DMD: variants seen among roughly 807,000 people sequenced by gnomAD.
DMD encodes mutant dystrophin.
A neutral mutation model predicts 330.1 loss-of-function variants in DMD; 63 were observed. That is an observed-to-expected ratio of 0.19 (90% confidence interval 0.16 to 0.24). The LOEUF (loss-of-function observed/expected upper bound fraction) is 0.24. DMD is among the 10% of genes least tolerant of loss of function. DMD has a pLI of 1.00. For missense variants in DMD, 3,344 were observed against 2,684.1 expected, an observed-to-expected ratio of 1.25 and a Z score of -5.43; for synonymous variants, 1,223 against 959.8, an observed-to-expected ratio of 1.27 and a Z score of -5.07.
chrX:32,419,823 A>C (rs1484294607), intron 29 of DMD, among the ~76,000 whole-genome samples: 1 of 112,015 alleles, frequency 8.9e-6, no homozygotes, highest in African/African-American at 3.3e-5. Context: ...AACGTTTGGG[A>C]ATCATTTTAT....
intron 55 of DMD, among the ~76,000 whole-genome samples, chrX:31,516,029 A>C (rs1478924616): frequency 1.8e-5 from 2 of 111,512 alleles, no homozygotes; most frequent in Non-Finnish European, 3.8e-5. Flanking sequence ...CATGAGCTCT[A>C]AATAGTAGAG....
chrX:31,295,134 T>C (rs957840432), intron 62 of DMD, among the ~76,000 whole-genome samples: 3 of 110,303 alleles, frequency 2.7e-5, no homozygotes, highest in East Asian at 5.8e-4. Flanking sequence ...TATCTGGGAC[T>C]ACAGGCGTCC....
At position 32,472,816 on chromosome X, in the gene DMD, C is replaced by A. The variant is rs188957353; in HGVS notation, c.2804-507G>T. ...CTGAAAGAACACCCATGTACGCATG[C>A]TTAGTATATGTATCAAGAACTCTAG... On this transcript the variant is annotated intron_variant, in intron 21 of 78. Transcript: ENST00000357033. Among the ~76,000 whole-genome samples, 5 of 111,201 alleles carry A rather than the reference C, an allele frequency of 4.5e-5. No homozygotes were observed. In the East Asian group the frequency reaches 1.1e-3, roughly 25 times the overall value.
intron 1 of DMD, among the ~76,000 whole-genome samples, chrX:33,129,325 C>CTTTTTTT (rs58505662): frequency 0.11 from 3,317 of 30,723 alleles, 1,164 homozygotes; most frequent in Non-Finnish European, 0.14. Context: ...TTAAGGTTTG[C>CTTTTTTT]TTTTTTTTTT....
At chrX:33,101,562 C>T (rs1234162460) in intron 1 of DMD, among the ~76,000 whole-genome samples, 1 of 111,180 alleles carries the variant, frequency 9.0e-6, no homozygotes, top group East Asian at 2.8e-4. Context: ...ACCAGGGAGG[C>T]GGAGGTTGCA....
intron 18 of DMD, among the ~76,000 whole-genome samples, chrX:32,506,525 T>A (rs1041639212): frequency 1.8e-5 from 2 of 110,582 alleles, no homozygotes; most frequent in African/African-American, 6.6e-5. Context: ...GAGTAAAATT[T>A]AAAAAAAATC....
At chrX:32,342,342 C>T in intron 40 of DMD, 60 bp from the exon 41 acceptor site, 3 of 1,135,741 alleles carry the variant, frequency 2.6e-6, no homozygotes, top group Non-Finnish European at 3.6e-6. Context: ...AACCGACTTG[C>T]AAGCAGCAAA....
At chrX:32,924,403 T>C (rs183364432) in intron 2 of DMD, among the ~76,000 whole-genome samples, 388 of 110,516 alleles carry the variant, frequency 3.5e-3, no homozygotes, top group African/African-American at 0.012. Flanking sequence ...TGGTGTGCAC[T>C]TGTCCCAGCT....
intron 30 of DMD, among the ~76,000 whole-genome samples, chrX:32,395,066 G>T (rs1436604220): frequency 9.1e-6 from 1 of 110,471 alleles, no homozygotes; most frequent in Non-Finnish European, 1.9e-5. Context: ...TACAAATGAA[G>T]GTAGAAACAT....
At chrX:32,343,033 A>G in intron 40 of DMD, 101 bp downstream of exon 40, 1 of 852,563 alleles carries the variant, frequency 1.2e-6, no homozygotes, top group East Asian at 3.2e-5. Flanking sequence ...ATCAAAGAGA[A>G]CGTTAATAGA....
chrX:32,736,101 C>T (rs749752066), intron 7 of DMD, among the ~76,000 whole-genome samples: 34 of 111,875 alleles, frequency 3.0e-4, no homozygotes, highest in East Asian at 2.0e-3. Flanking sequence ...AAAAAGTGGG[C>T]GAAGGACATG....
chrX:32,535,938 A>G (rs1273599200), intron 17 of DMD, among the ~76,000 whole-genome samples: 2 of 111,596 alleles, frequency 1.8e-5, no homozygotes, highest in Non-Finnish European at 3.8e-5. Context: ...TCATTACCAT[A>G]CAATTTGGCA....
In DMD at chrX:32,524,853, T is replaced by C. The variant is rs2046798869; in HGVS notation, c.2169-6722A>G. Among the ~76,000 whole-genome samples, 3 of 112,264 alleles carry C rather than the reference T, an allele frequency of 2.7e-5. No homozygotes were observed. In the East Asian group the frequency reaches 8.4e-4, roughly 31 times the overall value. ...TTTTATACAAAGATCGTATGGAGAG[T>C]GATTACGCTCGTTTTTTGATGTACA... On this transcript the variant is annotated intron_variant, in intron 17 of 78. Coordinates refer to ENST00000357033, the MANE Select transcript of DMD (RefSeq NM_004006.3).
chrX:32,111,014 G>A lies in DMD; in HGVS notation c.6438+105902C>T, dbSNP rs1336159303. ...TTCTACAAACAGTGACCAAATAAAT[G>A]TCTGGACTGTGAAACAGTTTATCCA... On this transcript the variant is annotated intron_variant, in intron 44 of 78. Transcript: ENST00000357033. Among the ~76,000 whole-genome samples, 19 of 112,134 alleles carry A rather than the reference G, an allele frequency of 1.7e-4. No homozygotes were observed. In the Admixed American group the frequency reaches 1.8e-3, roughly 11 times the overall value.
chrX:32,226,423 C>A lies in DMD; in HGVS notation c.6291-9360G>T, dbSNP rs994732369. ...ACAAGCTTCCACAGCTTTGTGAAAACCTCTATTAACATACTACTTCATGTT... is the reference window on the plus strand; with the variant it reads ...ACAAGCTTCCACAGCTTTGTGAAAAACTCTATTAACATACTACTTCATGTT... On this transcript the variant is annotated intron_variant, in intron 43 of 78. Transcript: ENST00000357033. 4.5e-5 allele frequency among the ~76,000 whole-genome samples: 5 copies of A among 111,845 alleles called. No homozygotes were observed. In the East Asian group the frequency reaches 1.4e-3, roughly 31 times the overall value.
intron 54 of DMD, among the ~76,000 whole-genome samples, chrX:31,645,181 G>A (rs2080010848): frequency 9.0e-6 from 1 of 111,652 alleles, no homozygotes; most frequent in Non-Finnish European, 1.9e-5. Flanking sequence ...ATTGTTGATT[G>A]CCATCTGCTA....
chrX:31,551,994 C>A (rs978756083), intron 55 of DMD, among the ~76,000 whole-genome samples: 3 of 112,143 alleles, frequency 2.7e-5, no homozygotes, highest in African/African-American at 9.7e-5. Flanking sequence ...AATCTAAGGT[C>A]TGAAGTCTTT....
At chrX:32,906,092 G>A (rs1012338569) in intron 2 of DMD, among the ~76,000 whole-genome samples, 2 of 112,179 alleles carry the variant, frequency 1.8e-5, no homozygotes, top group South Asian at 3.7e-4. Flanking sequence ...ATGTCCCCAC[G>A]AAATCTCATG....
intron 29 of DMD, among the ~76,000 whole-genome samples, chrX:32,420,202 T>A (rs1168012027): frequency 1.8e-5 from 2 of 111,828 alleles, no homozygotes; most frequent in African/African-American, 3.2e-5. Context: ...AAGTCTAAAC[T>A]TTAGGCAGTG....
Sources: gnomAD v4.1 joint callset for allele counts (sites outside exome capture counted in the v4.1 genomes callset) on GRCh38, gnomAD v4.1.1 for gene constraint, MANE v1.5 for transcripts, NCBI Gene and HGNC (gene_info 2026-07-23, HGNC 2026-07-21) for gene names.